TRAP1: variants seen among roughly 807,000 people sequenced by gnomAD.
TRAP1 encodes the protein TNF receptor associated protein 1.
Under a neutral mutation model 89.1 loss-of-function variants are expected in TRAP1, and 102 were observed. That is an observed-to-expected ratio of 1.15 (90% CI 0.98 to 1.35). The LOEUF is 1.35. Among genes scored for constraint, TRAP1 ranks in the 40% most tolerant of loss-of-function variants. The pLI is 0.00. For synonymous variants in TRAP1, 508 were observed against 388.0 expected (o/e 1.31, Z -3.64); for missense variants, 1,256 against 945.3 (o/e 1.33, Z -4.31).
intron 14 of TRAP1, 23 bp from the exon 15 acceptor site, chr16:3,662,990 G>T (rs986957662): frequency 1.9e-6 from 3 of 1,571,100 alleles, no homozygotes; most frequent in Admixed American, 1.8e-5. Context: ...AGGCGACAGG[G>T]AGCTCAGGCC....
At chr16:3,670,768 G>C (rs1219927841) in intron 11 of TRAP1, among the ~76,000 whole-genome samples, 1 of 152,174 alleles carries the variant, frequency 6.6e-6, no homozygotes, top group East Asian at 1.9e-4. Context: ...ATGGCTTTCT[G>C]CCTCTGAAGG....
At position 3,662,979 on chromosome 16, in the gene TRAP1, C is replaced by T. The variant is rs769531750; in HGVS notation, c.1709-12G>A. The T allele has an allele frequency of 1.3e-6, 2 of 1,595,732 alleles. No homozygotes were observed. Among genetic ancestry groups the T allele is most frequent in the South Asian group, 2.2e-5 (2 of 89,254 alleles). ...TAGGCACTCGGCGGCTGCGGAAGAG[C>T]AGGCGACAGGGAGCTCAGGCCTGCA... On this transcript the variant is annotated splice_polypyrimidine_tract_variant and intron_variant, in intron 14 of 17. Transcript: ENST00000246957.
chr16:3,695,034 G>A (rs1403986875), intron 1 of TRAP1, among the ~76,000 whole-genome samples: 3 of 151,892 alleles, frequency 2.0e-5, no homozygotes, highest in Non-Finnish European at 4.4e-5. Flanking sequence ...CCTTCAGGAC[G>A]TCTGCCCTTC....
In TRAP1 at chr16:3,682,007, C is replaced by T. The variant is rs544502675; in HGVS notation, c.472-2217G>A. Among the ~76,000 whole-genome samples the T allele has an allele frequency of 3.8e-4, 58 of 152,154 alleles. 2 individuals carry two copies. Among genetic ancestry groups the T allele is most frequent in the South Asian group, 1.9e-3 (9 of 4,814 alleles). On this transcript the variant is annotated intron_variant, in intron 4 of 17. Transcript: ENST00000246957. ...CAGTGCGATGTGGGCATTTAAGGATCGACACATGGATGAAAGAACCAAACA... is the reference window on the plus strand; with the variant it reads ...CAGTGCGATGTGGGCATTTAAGGATTGACACATGGATGAAAGAACCAAACA...
chr16:3,686,017 C>G lies in TRAP1; in HGVS notation c.450G>C (p.Glu150Asp), dbSNP rs2051133882. ...GTACCTGGATGGTGATGGTGCCTTT[C>G]TCGGCATTGGTCTGCAAGTGAATCT... ...EMEIHLQTNA[E>D]KGTITIQDTG... Residue 150 changes from glutamate to aspartate, a missense_variant, in exon 4 of 18, where the codon GAG becomes GAC. By Grantham distance (45) the Glu-to-Asp change is conservative. Coordinates refer to ENST00000246957, the MANE Select transcript of TRAP1 (RefSeq NM_016292.3). 1.2e-6 allele frequency: 2 copies of G among 1,613,884 alleles called. No individual in the cohort carries two copies. The highest frequency in any genetic ancestry group is 1.7e-5 in the Admixed American group (1 of 59,972).
At chr16:3,696,690 G>T (rs182363295) in intron 1 of TRAP1, among the ~76,000 whole-genome samples, 8 of 151,924 alleles carry the variant, frequency 5.3e-5, no homozygotes, top group Admixed American at 1.3e-4. Flanking sequence ...CTGAGTAGCT[G>T]GGACTATAGG....
intron 1 of TRAP1, among the ~76,000 whole-genome samples, chr16:3,697,351 G>C (rs1023269656): frequency 2.6e-5 from 4 of 151,934 alleles, no homozygotes; most frequent in African/African-American, 9.7e-5. Flanking sequence ...TTATTGATTT[G>C]TAAGAGCTTT....
chr16:3,675,938 C>G, intron 7 of TRAP1, 98 bp downstream of exon 7: 2 of 1,083,236 alleles, frequency 1.8e-6, no homozygotes, highest in Non-Finnish European at 2.7e-6. Context: ...CCTGTGCACC[C>G]TACGTGCAGG....
At chr16:3,661,963 G>T in intron 16 of TRAP1, 24 bp downstream of exon 16, 1 of 1,574,884 alleles carries the variant, frequency 6.3e-7, no homozygotes. Flanking sequence ...CCACAGGCTG[G>T]AAGAGCCAGG....
intron 1 of TRAP1, among the ~76,000 whole-genome samples, chr16:3,692,399 G>A (rs901180571): frequency 5.3e-5 from 8 of 151,746 alleles, no homozygotes; most frequent in Non-Finnish European, 1.0e-4. Context: ...AGCCGGGCAT[G>A]GTGGCAGGCA....
intron 9 of TRAP1, among the ~76,000 whole-genome samples, chr16:3,673,854 CAG>C (rs1376087630): frequency 1.6e-5 from 2 of 122,830 alleles, no homozygotes; most frequent in Non-Finnish European, 1.7e-5. Context: ...AGGAAGCACA[CAG>C]AGAGGCCAAC....
At chr16:3,670,358 G>T (rs886439413) in intron 11 of TRAP1, among the ~76,000 whole-genome samples, 2 of 125,054 alleles carry the variant, frequency 1.6e-5, no homozygotes, top group Non-Finnish European at 3.2e-5. Flanking sequence ...ACTCCAGCCT[G>T]GGCGACAGAG....
chr16:3,667,274 C>A (rs1286838663), intron 11 of TRAP1, among the ~76,000 whole-genome samples: 1 of 151,996 alleles, frequency 6.6e-6, no homozygotes, highest in Admixed American at 6.6e-5. Flanking sequence ...CAGAAGAGGG[C>A]AGTGGCAATG....
At chr16:3,661,202 A>G (rs2043054102) in intron 16 of TRAP1, 1 of 152,236 alleles carries the variant, frequency 6.6e-6, no homozygotes, top group Admixed American at 6.5e-5. Context: ...AAGGTACCAA[A>G]GGATGTTAAA....
rs1307786417 is a variant in TRAP1 at position 3,674,486 on chromosome 16, C to A, written c.897G>T (p.Trp299Cys). Residue 299 changes from tryptophan to cysteine, a missense_variant, in exon 9 of 18, where the codon TGG becomes TGT. Coordinates refer to ENST00000246957, the MANE Select transcript of TRAP1 (RefSeq NM_016292.3). ...CACGGACATCCTTGGGGTCCATCAT[C>A]CAGATGGCCTGGAAACGGAGATCGG... Reference protein sequence around the residue: ...GRRMNTLQAIWMMDPKDVREW... With the variant: ...GRRMNTLQAICMMDPKDVREW... 6.2e-7 allele frequency: 1 copy of A among 1,613,920 alleles called. No homozygotes were observed. The highest frequency in any genetic ancestry group is 2.2e-5 in the East Asian group (1 of 44,890).
rs145850823 is a variant in TRAP1 at position 3,662,898 on chromosome 16, C to G, written c.1778G>C (p.Arg593Pro). Residue 593 changes from arginine to proline, a missense_variant, in exon 15 of 18, where the codon CGT (arginine) becomes CCT (proline). By Grantham distance (103) the Arg-to-Pro change is moderately radical (BLOSUM62 -2). Transcript: ENST00000246957. ...MAWMRNVLGS[R>P]VTNVKVTLRL... is the part of the protein sequence containing the mutation. ...AAGCCTCACCTTCACGTTGGTGACA[C>G]GCGACCCCAGCACATTTCTCATCCA... The G allele has an allele frequency of 4.2e-5, 68 of 1,613,582 alleles. No homozygotes were observed. The African/African-American group carries it at 8.3e-4, about 20-fold the overall frequency.
intron 4 of TRAP1, among the ~76,000 whole-genome samples, chr16:3,683,281 GA>G (rs1312540925): frequency 6.6e-6 from 1 of 151,890 alleles, no homozygotes; most frequent in African/African-American, 2.4e-5. Context: ...TGCTGGGAGA[GA>G]AAAAGGACAT....
intron 11 of TRAP1, among the ~76,000 whole-genome samples, chr16:3,667,187 G>A (rs553741208): frequency 6.6e-6 from 1 of 152,248 alleles, no homozygotes; most frequent in African/African-American, 2.4e-5. Flanking sequence ...AAGAACCCCA[G>A]AGAAGGGTGT....
chr16:3,680,724 C>T (rs1419234837), intron 4 of TRAP1, among the ~76,000 whole-genome samples: 1 of 152,150 alleles, frequency 6.6e-6, no homozygotes, highest in Admixed American at 6.5e-5. Context: ...GGGAGGGGGG[C>T]CTTGGGGAGG....
Sources: allele counts gnomAD v4.1 joint callset (sites outside exome capture counted in the v4.1 genomes callset), GRCh38; gene constraint gnomAD v4.1.1; transcripts MANE v1.5; gene names NCBI Gene and HGNC (gene_info 2026-07-23, HGNC 2026-07-21).